Variants in VOPP1 observed in about 807,000 individuals in gnomAD.
VOPP1 encodes WW domain binding protein VOPP1.
VOPP1 carries 8 observed loss-of-function variants against 23.5 expected under a neutral mutation model. The observed-to-expected ratio is 0.34, with a 90% CI of 0.20 to 0.61. The LOEUF is 0.61. VOPP1 is among the 20% of genes least tolerant of loss of function. The pLI is 0.78. For synonymous variants in VOPP1, 83 were observed against 97.3 expected (o/e 0.85, Z 0.86); for missense variants, 174 against 238.1 (o/e 0.73, Z 1.77).
intron 1 of VOPP1, among the ~76,000 whole-genome samples, chr7:55,569,148 A>G (rs533715315): frequency 6.6e-6 from 1 of 152,378 alleles, no homozygotes; most frequent in South Asian, 2.1e-4. Flanking sequence ...AAGAAAGGTC[A>G]GTCCAGTAAT....
chr7:55,521,755 A>AGGGTG, intron 1 of VOPP1: 1 of 986,582 alleles, frequency 1.0e-6, no homozygotes, highest in Non-Finnish European at 1.2e-6. Flanking sequence ...AGGGCAGGGC[A>AGGGTG]GGGTGGGTGA....
intron 4 of VOPP1, among the ~76,000 whole-genome samples, chr7:55,443,758 C>T (rs1463123358): frequency 6.6e-6 from 1 of 151,554 alleles, no homozygotes; most frequent in Non-Finnish European, 1.5e-5. Context: ...GATTCTCCTC[C>T]CTCAGCCTCC....
intron 1 of VOPP1, among the ~76,000 whole-genome samples, chr7:55,570,126 G>A (rs1349173148): frequency 1.3e-5 from 2 of 152,010 alleles, no homozygotes; most frequent in Non-Finnish European, 1.5e-5. Flanking sequence ...CCACACCTAC[G>A]ACTGCACATC....
intron 4 of VOPP1, among the ~76,000 whole-genome samples, chr7:55,474,086 G>C (rs1792051733): frequency 6.6e-6 from 1 of 152,224 alleles, no homozygotes; most frequent in Admixed American, 6.5e-5. Context: ...GGCCTGCACT[G>C]TCTCTCACTG....
chr7:55,556,768 G>A (rs1257787725), intron 1 of VOPP1, among the ~76,000 whole-genome samples: 1 of 151,966 alleles, frequency 6.6e-6, no homozygotes, highest in East Asian at 1.9e-4. Context: ...ATTGACTAAA[G>A]GGAAACCATG....
intron 1 of VOPP1, among the ~76,000 whole-genome samples, chr7:55,562,500 T>C (rs1798021438): frequency 6.6e-6 from 1 of 152,352 alleles, no homozygotes; most frequent in South Asian, 2.1e-4. Context: ...TAAGGCTTTA[T>C]TCAAGACTAT....
intron 1 of VOPP1, among the ~76,000 whole-genome samples, chr7:55,570,222 T>G (rs1798303025): frequency 6.6e-6 from 1 of 152,108 alleles, no homozygotes; most frequent in Non-Finnish European, 1.5e-5. Context: ...AATATAAATC[T>G]CATACATAAA....
At chr7:55,523,955 C>G (rs149511606) in intron 1 of VOPP1, among the ~76,000 whole-genome samples, 1,672 of 152,192 alleles carry the variant, frequency 0.011, 11 homozygotes, top group Middle Eastern at 0.02. Context: ...TTTTTAAAAC[C>G]ACTTCTCAGA....
intron 1 of VOPP1, among the ~76,000 whole-genome samples, chr7:55,525,190 T>G (rs1165585842): frequency 1.3e-5 from 2 of 152,196 alleles, no homozygotes; most frequent in Non-Finnish European, 1.5e-5. Context: ...TCTCCTCGTT[T>G]GTAAGAGTAC....
At chr7:55,499,521 G>A (rs1339566474) in intron 2 of VOPP1, among the ~76,000 whole-genome samples, 1 of 152,230 alleles carries the variant, frequency 6.6e-6, no homozygotes, top group Non-Finnish European at 1.5e-5. Context: ...TGCTGGGGAG[G>A]AGCTTTCTCT....
Position 55,473,017 on chromosome 7 carries a change from G to A in VOPP1, c.357C>T (p.Tyr119=), listed in dbSNP as rs1562894734. The A allele has an allele frequency of 3.1e-6, 5 of 1,599,328 alleles. No individual in the cohort carries two copies. The highest frequency in any genetic ancestry group is 4.6e-5 in the East Asian group (2 of 43,560). Residue 119 remains tyrosine, a synonymous_variant, in exon 5 of 5, where the codon TAC becomes TAT. Coordinates refer to ENST00000285279, the MANE Select transcript of VOPP1 (RefSeq NM_030796.5). ...PGAQQPGPPY[Y]TDPGGPGMNP... ...TCATCCCCGGTCCTCCTGGGTCGGTGTAATAGGGCGGCCCCGGCTGCTGGG... is the reference window on the plus strand; with the variant it reads ...TCATCCCCGGTCCTCCTGGGTCGGTATAATAGGGCGGCCCCGGCTGCTGGG...
intron 2 of VOPP1, among the ~76,000 whole-genome samples, chr7:55,518,010 G>A (rs189974092): frequency 1.3e-5 from 2 of 152,250 alleles, no homozygotes; most frequent in East Asian, 1.9e-4. Flanking sequence ...GTCGTCCCTC[G>A]CATGTGCAGG....
chr7:55,561,221 T>A (rs1584124199), intron 1 of VOPP1, among the ~76,000 whole-genome samples: 2 of 152,140 alleles, frequency 1.3e-5, no homozygotes, highest in South Asian at 2.1e-4. Flanking sequence ...CCCACCCAGG[T>A]CACCAACCTT....
At chr7:55,511,012 C>T (rs149029833) in intron 2 of VOPP1, among the ~76,000 whole-genome samples, 1,657 of 152,316 alleles carry the variant, frequency 0.011, 11 homozygotes, top group Middle Eastern at 0.02. Flanking sequence ...AGGCCTCTGT[C>T]TTCTACACCA....
intron 4 of VOPP1, among the ~76,000 whole-genome samples, chr7:55,454,828 C>A (rs1477881894): frequency 1.3e-5 from 2 of 152,124 alleles, no homozygotes; most frequent in Non-Finnish European, 2.9e-5. Context: ...TTATGACAAA[C>A]CCACAGCCAA....
chr7:55,571,957 A>C, intron 1 of VOPP1: 1 of 271,316 alleles, frequency 3.7e-6, no homozygotes, highest in Non-Finnish European at 7.0e-6. Context: ...CGGCGGGGAG[A>C]GGGGGCGGAC....
At chr7:55,458,048 T>C (rs1280524738) in intron 4 of VOPP1, among the ~76,000 whole-genome samples, 1 of 152,234 alleles carries the variant, frequency 6.6e-6, no homozygotes, top group Non-Finnish European at 1.5e-5. Context: ...CTTCCAGTAG[T>C]TTCATAATTT....
At chr7:55,510,486 G>GTTTCATT (rs1795000793) in intron 2 of VOPP1, among the ~76,000 whole-genome samples, 1 of 150,092 alleles carries the variant, frequency 6.7e-6, no homozygotes, top group Non-Finnish European at 1.5e-5. Context: ...TCATTATTTT[G>GTTTCATT]TCATGCTTTA....
At chr7:55,550,140 T>C (rs2129053431) in intron 1 of VOPP1, among the ~76,000 whole-genome samples, 1 of 152,328 alleles carries the variant, frequency 6.6e-6, no homozygotes, top group African/African-American at 2.4e-5. Flanking sequence ...AGCATTTCCT[T>C]CACTGCATCA....
Sources: gnomAD v4.1 joint callset for allele counts (sites outside exome capture counted in the v4.1 genomes callset) on GRCh38, gnomAD v4.1.1 for gene constraint, MANE v1.5 for transcripts, NCBI Gene and HGNC (gene_info 2026-07-23, HGNC 2026-07-21) for gene names.